The following UBE4B variants were observed in gnomAD, a reference collection of about 807,000 sequenced individuals.
UBE4B encodes the protein ubiquitination factor E4B, also known as ubiquitin conjugation factor E4 B.
UBE4B carries 27 observed loss-of-function variants against 148.1 expected under a neutral mutation model. The observed-to-expected ratio is 0.18, with a 90% CI of 0.13 to 0.25. The LOEUF (loss-of-function observed/expected upper bound fraction) is 0.25, where lower values mean the gene tolerates loss of function less well. Ranked by LOEUF, UBE4B falls within the 10% of genes least tolerant of loss-of-function variation. The pLI is 1.00. For synonymous variants in UBE4B, 596 were observed against 619.3 expected (o/e 0.96, Z 0.56); for missense variants, 1,170 against 1,662.4 (o/e 0.70, Z 5.15).
intron 1 of UBE4B, among the ~76,000 whole-genome samples, chr1:10,055,387 T>C (rs994819893): frequency 2.0e-5 from 3 of 152,164 alleles, no homozygotes; most frequent in Non-Finnish European, 4.4e-5. Context: ...GCATCATAGC[T>C]CACTGTAGCC....
chr1:10,086,109 C>G (rs200598100), intron 2 of UBE4B, among the ~76,000 whole-genome samples: 1 of 151,888 alleles, frequency 6.6e-6, no homozygotes, highest in Non-Finnish European at 1.5e-5. Context: ...GTAGCTGGGA[C>G]TACAGGCGCC....
chr1:10,054,781 TCC>T (rs1644129075), intron 1 of UBE4B: 1 of 147,058 alleles, frequency 6.8e-6, no homozygotes, highest in Non-Finnish European at 1.4e-5. Context: ...ATTATCTTTC[TCC>T]TTTTTTTTTT....
chr1:10,093,721 G>C (rs990176648), intron 2 of UBE4B, among the ~76,000 whole-genome samples: 1 of 149,934 alleles, frequency 6.7e-6, no homozygotes, highest in Non-Finnish European at 1.5e-5. Context: ...TTGAGACGGA[G>C]TCTTGCTCTG....
intron 21 of UBE4B, among the ~76,000 whole-genome samples, chr1:10,154,334 C>T (rs1646031339): frequency 1.3e-5 from 2 of 152,020 alleles, no homozygotes; most frequent in African/African-American, 4.8e-5. Flanking sequence ...AGGAGAATAG[C>T]TTGAACCCGG....
intron 1 of UBE4B, among the ~76,000 whole-genome samples, chr1:10,052,241 A>T (rs190325273): frequency 2.1e-5 from 3 of 145,168 alleles, no homozygotes; most frequent in African/African-American, 7.6e-5. Flanking sequence ...TGATTTTTTA[A>T]TTTTTTTTTT....
At position 10,137,175 on chromosome 1, in the gene UBE4B, G is replaced by T; in HGVS notation, c.2333G>T (p.Arg778Leu). ...CTGCCTAGTTGCCGTCGCTATATCCGCAGACTCCGGGCTATCCGGGAGCTC... is the reference window on the plus strand; with the variant it reads ...CTGCCTAGTTGCCGTCGCTATATCCTCAGACTCCGGGCTATCCGGGAGCTC... ...SILPSCRRYIRRLRAIRELNR... is the reference protein window; with the variant it reads ...SILPSCRRYILRLRAIRELNR... Residue 778 changes from arginine to leucine, a missense_variant, in exon 17 of 28, where the codon CGC (arginine) becomes CTC (leucine). Physicochemically the swap from Arg to Leu is moderately radical, Grantham distance 102. This residue lies in a region of UBE4B where 388 missense variants were observed against 536.0 expected (regional missense o/e 0.72). Transcript: ENST00000343090. The T allele has an allele frequency of 3.7e-6, 6 of 1,614,030 alleles. No homozygotes were observed. Among genetic ancestry groups the T allele is most frequent in the South Asian group, 1.1e-5 (1 of 91,078 alleles).
rs527881002 is a variant in UBE4B, at chr1:10,181,104, T to C, written c.*1148T>C. ...AAAAAAAAAAAAGGATTTGAAACCA[T>C]AAAGTGTTCTGAAGAAATTAAGTCT... On this transcript the variant is annotated 3_prime_UTR_variant, in exon 28 of 28. Coordinates refer to ENST00000343090, the MANE Select transcript of UBE4B (RefSeq NM_001105562.3). The C allele has an allele frequency of 6.6e-6, 1 of 152,250 alleles. No homozygotes were observed. Among genetic ancestry groups the C allele is most frequent in the Admixed American group, 6.6e-5 (1 of 15,220 alleles). 9.4% of individuals were successfully genotyped at this position (152,250 alleles called of 1,614,324 possible). A position where few individuals can be genotyped will look rare whatever the true frequency, so the allele number is the denominator to read the frequency against.
chr1:10,061,541 G>C (rs989330346), intron 1 of UBE4B, among the ~76,000 whole-genome samples: 14 of 152,214 alleles, frequency 9.2e-5, no homozygotes, highest in African/African-American at 3.1e-4. Flanking sequence ...GTGAGCCACC[G>C]CACTTGGCCC....
intron 7 of UBE4B, among the ~76,000 whole-genome samples, chr1:10,109,979 G>A (rs1324648646): frequency 5.9e-5 from 9 of 152,274 alleles, no homozygotes; most frequent in South Asian, 2.1e-4. Context: ...GATTACAGGC[G>A]TGAGCCACTG....
Position 10,032,975 on chromosome 1 carries a change from G to T in UBE4B, c.-696G>T, listed in dbSNP as rs1330021909. On this transcript the variant is annotated 5_prime_UTR_variant, in exon 1 of 28. Coordinates refer to ENST00000343090, the MANE Select transcript of UBE4B (RefSeq NM_001105562.3). ...CACGTGATCCCTTTCAAAGATGGCC[G>T]CCCTGTTGTTTTGATGAATAATACT... 2.6e-5 allele frequency: 4 copies of T among 152,250 alleles called. No homozygotes were observed. Among genetic ancestry groups the T allele is most frequent in the African/African-American group, 7.2e-5 (3 of 41,458 alleles). The allele number at this position is 152,250 out of a possible 1,614,324, so 9.4% of individuals were successfully genotyped here.
At chr1:10,156,934 C>T (rs541982267) in intron 21 of UBE4B, among the ~76,000 whole-genome samples, 61 of 151,684 alleles carry the variant, frequency 4.0e-4, no homozygotes, top group Non-Finnish European at 7.2e-4. Context: ...TTTGGAAGGA[C>T]GATGTAGGAG....
At chr1:10,037,970 C>A (rs116782657) in intron 1 of UBE4B, among the ~76,000 whole-genome samples, 5,006 of 152,074 alleles carry the variant, frequency 0.033, 128 homozygotes, top group Middle Eastern at 0.055. Flanking sequence ...GCTGGGATTC[C>A]GGGTGTGGTC....
intron 2 of UBE4B, among the ~76,000 whole-genome samples, chr1:10,079,305 T>C (rs927211028): frequency 6.6e-6 from 1 of 151,884 alleles, no homozygotes; most frequent in Non-Finnish European, 1.5e-5. Flanking sequence ...ATTACAGGCA[T>C]GCGCCACCAC....
At chr1:10,097,769 C>T (rs775342634) in intron 3 of UBE4B, among the ~76,000 whole-genome samples, 2 of 152,084 alleles carry the variant, frequency 1.3e-5, no homozygotes, top group South Asian at 2.1e-4. Flanking sequence ...GAGATCGCAC[C>T]GCTGCACTCC....
chr1:10,135,152 G>A lies in UBE4B; in HGVS notation c.2190G>A (p.Thr730=), dbSNP rs754974888. Residue 730 remains threonine, a synonymous_variant, in exon 16 of 28, where the codon ACG becomes ACA. Transcript: ENST00000343090. ...ATGATGAGACGCGTGTGAATGCAAC[G>A]ATGGAAGATGTGAATGACTGGCTGA... ...LPNDETRVNA[T]MEDVNDWLTE... is the part of the protein sequence containing the mutation. The A allele has an allele frequency of 1.7e-5, 27 of 1,613,742 alleles. No individual in the cohort carries two copies. The African/African-American group carries it at 1.7e-4, about 10-fold the overall frequency.
At chr1:10,071,927 G>C in intron 1 of UBE4B, 101 bp from the exon 2 acceptor site, 1 of 1,174,606 alleles carries the variant, frequency 8.5e-7, no homozygotes, top group Non-Finnish European at 1.2e-6. Context: ...AAGGCATATT[G>C]AGTTGTTAAA....
intron 1 of UBE4B, among the ~76,000 whole-genome samples, chr1:10,057,273 A>G (rs929054079): frequency 6.6e-6 from 1 of 152,120 alleles, no homozygotes. Flanking sequence ...TATCAATTAG[A>G]TGCAAAAAAC....
chr1:10,074,174 C>G (rs974583686), intron 2 of UBE4B, among the ~76,000 whole-genome samples: 1 of 151,988 alleles, frequency 6.6e-6, no homozygotes, highest in Non-Finnish European at 1.5e-5. Context: ...CAGCCTCAGT[C>G]ATCACATCCA....
intron 2 of UBE4B, among the ~76,000 whole-genome samples, chr1:10,077,904 C>T (rs1250281721): frequency 2.0e-5 from 3 of 152,162 alleles, no homozygotes; most frequent in African/African-American, 7.2e-5. Flanking sequence ...TCATGTTTTA[C>T]TGCATTGTTA....
Sources: gnomAD v4.1 joint callset for allele counts (sites outside exome capture counted in the v4.1 genomes callset) on GRCh38, gnomAD v4.1.1 for gene constraint, gnomAD v4.1.1 regional missense constraint, MANE v1.5 for transcripts, NCBI Gene and HGNC (gene_info 2026-07-23, HGNC 2026-07-21) for gene names.